PIP4K2C: variants seen among roughly 807,000 people sequenced by gnomAD.
PIP4K2C encodes phosphatidylinositol 5-phosphate 4-kinase type-2 gamma.
Under a neutral mutation model 45.0 loss-of-function variants are expected in PIP4K2C, and 21 were observed. The ratio of observed to expected loss-of-function variants is 0.47; its 90% confidence interval spans 0.33 to 0.67. The LOEUF (loss-of-function observed/expected upper bound fraction) is 0.67, where lower values mean the gene tolerates loss of function less well. PIP4K2C is among the 30% of genes least tolerant of loss of function. PIP4K2C has a pLI of 0.02. For synonymous variants in PIP4K2C, 201 were observed against 204.8 expected, an observed-to-expected ratio of 0.98 and a Z score of 0.16; for missense variants, 456 against 542.8, an observed-to-expected ratio of 0.84 and a Z score of 1.59.
chr12:57,598,443 C>G (rs941464659), intron 4 of PIP4K2C, among the ~76,000 whole-genome samples: 3 of 149,490 alleles, frequency 2.0e-5, no homozygotes, highest in Non-Finnish European at 2.9e-5. Flanking sequence ...ATTGCTTGAA[C>G]CTGGGAGGAG....
In PIP4K2C at chr12:57,603,088, C is replaced by T. The variant is rs1031604837; in HGVS notation, c.*1482C>T. 5.9e-5 allele frequency: 9 copies of T among 152,480 alleles called. No individual in the cohort carries two copies. The highest frequency in any genetic ancestry group is 2.1e-4 in the South Asian group (1 of 4,832). The allele number at this position is 152,480 out of a possible 1,614,324, so 9.4% of individuals were successfully genotyped here. On this transcript the variant is annotated 3_prime_UTR_variant, in exon 10 of 10. Transcript: ENST00000354947. ...GAGGCCATAGGGAGAAGCTCCCTCT[C>T]CCCTTCATCTTCTGCTCCAAAGGTG...
intron 3 of PIP4K2C, 48 bp from the exon 4 acceptor site, chr12:57,595,840 G>A (rs767967909): frequency 2.4e-5 from 38 of 1,600,770 alleles, no homozygotes; most frequent in Middle Eastern, 2.0e-4. Context: ...ACTTGTTTCT[G>A]CATATAAAGA....
At chr12:57,595,649 G>A (rs930459979) in intron 3 of PIP4K2C, among the ~76,000 whole-genome samples, 2 of 148,294 alleles carry the variant, frequency 1.3e-5, no homozygotes, top group African/African-American at 5.0e-5. Flanking sequence ...GTTGCAATGA[G>A]CTGAGATCGT....
At chr12:57,595,758 C>A in intron 3 of PIP4K2C, 130 bp from the exon 4 acceptor site, 1 of 937,908 alleles carries the variant, frequency 1.1e-6, no homozygotes, top group Non-Finnish European at 1.6e-6. Flanking sequence ...CACATATGGA[C>A]ACCTGATGAG....
intron 1 of PIP4K2C, among the ~76,000 whole-genome samples, chr12:57,592,025 A>G (rs565938415): frequency 2.6e-4 from 39 of 152,172 alleles, no homozygotes; most frequent in African/African-American, 9.4e-4. Context: ...AGCATTTTAG[A>G]GAAGCTACCC....
chr12:57,599,315 T>C (rs554591254), intron 5 of PIP4K2C, 85 bp from the exon 6 acceptor site: 5 of 1,605,274 alleles, frequency 3.1e-6, no homozygotes, highest in Admixed American at 1.7e-5. Context: ...GAAAGAAGGC[T>C]GGGTTTGAGT....
At chr12:57,592,763 C>T (rs530314333) in intron 1 of PIP4K2C, among the ~76,000 whole-genome samples, 1 of 152,176 alleles carries the variant, frequency 6.6e-6, no homozygotes. Context: ...CCTCTGCCAA[C>T]ACACATCTAC....
rs1217125557 is a variant in PIP4K2C, at chr12:57,594,035, T to A, written c.185T>A (p.Leu62His). 3 of 1,613,762 alleles carry A rather than the reference T, an allele frequency of 1.9e-6. No individual in the cohort carries two copies. Among genetic ancestry groups the A allele is most frequent in the Non-Finnish European group, 1.7e-6 (2 of 1,179,940 alleles). ...LWGVAHSINE[L>H]SQVPPPVMLL... Reference sequence around the variant, plus strand: ...GGTTTGGCTTATCAGATCAATGAGCTCAGCCAGGTGCCTCCCCCGGTGATG... The same window carrying A: ...GGTTTGGCTTATCAGATCAATGAGCACAGCCAGGTGCCTCCCCCGGTGATG... Residue 62 changes from leucine to histidine, a missense_variant, in exon 2 of 10, where the codon CTC (leucine) becomes CAC (histidine). Transcript: ENST00000354947.
chr12:57,600,090 C>T (rs1021342271), intron 6 of PIP4K2C, among the ~76,000 whole-genome samples: 1 of 151,660 alleles, frequency 6.6e-6, no homozygotes, highest in African/African-American at 2.4e-5. Flanking sequence ...AAAAGTCAGC[C>T]TGGAGGGTCT....
rs1486287562 is a variant in PIP4K2C at position 57,599,407 on chromosome 12, T to A, written c.668T>A (p.Leu223Gln). 1 of 1,614,136 alleles carries A rather than the reference T, an allele frequency of 6.2e-7. No individual in the cohort carries two copies. The highest frequency in any genetic ancestry group is 1.1e-5 in the South Asian group (1 of 91,074). The change falls in exon 6 of 10, where the codon CTA (leucine) becomes CAA (glutamine). Residue 223 changes from leucine to glutamine, a missense_variant. By Grantham distance (113) the Leu-to-Gln change is moderately radical (BLOSUM62 -2). This residue lies in a region of PIP4K2C where 421 missense variants were observed against 473.1 expected (regional missense o/e 0.89). Transcript: ENST00000354947. ...GTTTGGGTCTTTCTGCAGGGTTCCC[T>A]AGTGTCCCGGGAAGCCAGCGATAAG... ...VHRKYDLKGS[L>Q]VSREASDKEK... is the part of the protein sequence containing the mutation.
In PIP4K2C at chr12:57,599,406, C is replaced by T; in HGVS notation, c.667C>T (p.Leu223=). The T allele has an allele frequency of 1.9e-6, 3 of 1,614,078 alleles. No individual in the cohort carries two copies. The highest frequency in any genetic ancestry group is 2.5e-6 in the Non-Finnish European group (3 of 1,180,024). Residue 223 remains leucine, a synonymous_variant, in exon 6 of 10, where the codon CTA becomes TTA. Coordinates refer to ENST00000354947, the MANE Select transcript of PIP4K2C (RefSeq NM_024779.5). ...TGTTTGGGTCTTTCTGCAGGGTTCC[C>T]TAGTGTCCCGGGAAGCCAGCGATAA... is the stretch of plus-strand genomic sequence containing the variant. ...VHRKYDLKGS[L]VSREASDKEK...
intron 2 of PIP4K2C, 130 bp from the exon 3 acceptor site, chr12:57,594,995 TA>T (rs560419371): frequency 9.0e-4 from 534 of 594,466 alleles, no homozygotes; most frequent in South Asian, 1.2e-3. Context: ...AAATAAAAAT[TA>T]AAAAAAAAGG....
chr12:57,601,568 A>G lies in PIP4K2C; in HGVS notation c.1228A>G (p.Lys410Glu). 6.2e-7 allele frequency: 1 copy of G among 1,613,420 alleles called. No homozygotes were observed. The highest frequency in any genetic ancestry group is 8.5e-7 in the Non-Finnish European group (1 of 1,179,362). ...ISTVHPEQYA[K>E]RFLDFITNIF... ...TACTGTCCATCCGGAGCAGTATGCT[A>G]AGCGATTCCTGGATTTTATTACCAA... Residue 410 changes from lysine to glutamate, a missense_variant, in exon 10 of 10, where the codon AAG becomes GAG. Around this residue, in one of 2 missense-constraint regions of PIP4K2C, gnomAD observed 35 missense variants for 69.7 expected, o/e 0.50. Transcript: ENST00000354947.
At chr12:57,599,511 T>C in intron 6 of PIP4K2C, 73 bp downstream of exon 6, 1 of 1,500,178 alleles carries the variant, frequency 6.7e-7, no homozygotes, top group Non-Finnish European at 9.3e-7. Context: ...CTTCTTAGGA[T>C]GGAGAGGCCA....
chr12:57,600,404 A>C lies in PIP4K2C; in HGVS notation c.780A>C (p.Lys260Asn). 3 of 1,609,656 alleles carry C rather than the reference A, an allele frequency of 1.9e-6. No homozygotes were observed. Among genetic ancestry groups the C allele is most frequent in the Non-Finnish European group, 2.6e-6 (3 of 1,176,016 alleles). ...TATATATTGGTGAAGAGGAGAAGAA[A>C]ATATTTCTGGAGAAGCTGAAGAGAG... is the stretch of plus-strand genomic sequence containing the variant. ...QKVYIGEEEKKIFLEKLKRDV... is the reference protein window; with the variant it reads ...QKVYIGEEEKNIFLEKLKRDV... Residue 260 changes from lysine (K) to asparagine (N), a missense_variant, in exon 7 of 10, where the codon AAA (lysine) becomes AAC (asparagine). Around this residue, in one of 2 missense-constraint regions of PIP4K2C, gnomAD observed 421 missense variants for 473.1 expected, o/e 0.89. Transcript: ENST00000354947.
Position 57,595,980 on chromosome 12 carries a change from A to G in PIP4K2C, c.462A>G (p.Val154=), listed in dbSNP as rs1249153683. The change falls in exon 4 of 10, where the codon GTA becomes GTG. Residue 154 remains valine (V), a synonymous_variant. Transcript: ENST00000354947. ...SYDRTLVIKE[V]SSEDIADMHS... Reference sequence around the variant, plus strand: ...ATCGGACTCTGGTCATCAAAGAAGTATCCAGTGAGGACATTGCTGACATGC... The same window carrying G: ...ATCGGACTCTGGTCATCAAAGAAGTGTCCAGTGAGGACATTGCTGACATGC... 1 of 1,613,938 alleles carries G rather than the reference A, an allele frequency of 6.2e-7. No homozygotes were observed. The highest frequency in any genetic ancestry group is 1.1e-5 in the South Asian group (1 of 91,084).
At position 57,601,035 on chromosome 12, in the gene PIP4K2C, G is replaced by A; in HGVS notation, c.1038G>A (p.Glu346=). The change falls in exon 8 of 10, where the codon GAG becomes GAA. Residue 346 remains glutamate (E), a synonymous_variant. Coordinates refer to ENST00000354947, the MANE Select transcript of PIP4K2C (RefSeq NM_024779.5). ...CCCATCGGCCCCTGGGCCCAGGAGA[G>A]TTTGAGTCCTTCATTGATGTCTATG... The part of the protein sequence containing the change: ...IHSHRPLGPG[E]FESFIDVYAI... The A allele has an allele frequency of 6.2e-7, 1 of 1,613,992 alleles. No individual in the cohort carries two copies. The highest frequency in any genetic ancestry group is 2.2e-5 in the East Asian group (1 of 44,876).
chr12:57,600,498 C>G (rs1594942911), intron 7 of PIP4K2C, 61 bp downstream of exon 7: 2 of 1,152,420 alleles, frequency 1.7e-6, no homozygotes, highest in East Asian at 4.8e-5. Context: ...GGGTAGTTGT[C>G]TCTTTCATTC....
intron 3 of PIP4K2C, 149 bp from the exon 4 acceptor site, chr12:57,595,739 C>T: frequency 1.3e-6 from 1 of 774,030 alleles, no homozygotes; most frequent in South Asian, 1.8e-5. Context: ...CATTCAGTTT[C>T]CTTCAGTCCA....
Sources: gnomAD v4.1 joint callset for allele counts (sites outside exome capture counted in the v4.1 genomes callset) on GRCh38, gnomAD v4.1.1 for gene constraint, gnomAD v4.1.1 regional missense constraint, MANE v1.5 for transcripts, NCBI Gene and HGNC (gene_info 2026-07-23, HGNC 2026-07-21) for gene names.